DMBT1: variants seen among roughly 807,000 people sequenced by gnomAD.
DMBT1 encodes the protein scavenger receptor cysteine-rich domain-containing protein DMBT1.
A neutral mutation model predicts 252.9 loss-of-function variants in DMBT1; 198 were observed. That is an observed-to-expected ratio of 0.78 (90% CI 0.70 to 0.88). The LOEUF is 0.88. Ranked by LOEUF, DMBT1 falls within the 40% of genes least tolerant of loss-of-function variation. DMBT1 has a pLI of 0.00. For missense variants in DMBT1, 2,432 were observed against 2,404.7 expected, an observed-to-expected ratio of 1.01 and a Z score of -0.24; for synonymous variants, 990 against 942.7, an observed-to-expected ratio of 1.05 and a Z score of -0.92.
intron 52 of DMBT1, among the ~76,000 whole-genome samples, chr10:122,635,420 C>G (rs2098218642): frequency 6.6e-6 from 1 of 152,124 alleles, no homozygotes; most frequent in African/African-American, 2.4e-5. Context: ...AAAGGGCTGA[C>G]AGGTGAGGGG....
In DMBT1 at chr10:122,629,913, C is replaced by T; in HGVS notation, c.5742C>T (p.Tyr1914=). Residue 1914 remains tyrosine, a synonymous_variant, in exon 47 of 56, where the codon TAC becomes TAT. Transcript: ENST00000338354. ...TCTCCAGCCCATCCTACCCTGCATACTACCCCAACAATGCTAAGTGTGTTT... is the reference window on the plus strand; with the variant it reads ...TCTCCAGCCCATCCTACCCTGCATATTACCCCAACAATGCTAAGTGTGTTT... ...GTFSSPSYPA[Y]YPNNAKCVWE... 1 of 1,614,012 alleles carries T rather than the reference C, an allele frequency of 6.2e-7. No individual in the cohort carries two copies. Among genetic ancestry groups the T allele is most frequent in the Non-Finnish European group, 8.5e-7 (1 of 1,179,872 alleles).
At chr10:122,591,018 C>T (rs557505094) in intron 18 of DMBT1, among the ~76,000 whole-genome samples, 5 of 148,688 alleles carry the variant, frequency 3.4e-5, no homozygotes, top group East Asian at 2.1e-4. Context: ...CCCCCAGATG[C>T]GGCAGGGCCC....
Position 122,643,163 on chromosome 10 carries a change from C to A in DMBT1, c.7394C>A (p.Ser2465Tyr). 1.2e-6 allele frequency: 2 copies of A among 1,614,012 alleles called. No homozygotes were observed. The highest frequency in any genetic ancestry group is 2.2e-5 in the East Asian group (1 of 44,880). Reference protein sequence around the residue: ...DDTYGPYSSPSLRIARFRFRA... With the variant: ...DDTYGPYSSPYLRIARFRFRA... ...ACCTACGGACCCTACTCCTCGCCAT[C>A]TCTTCGCATTGCCCGCTTCCGGTTC... The change falls in exon 56 of 56, where the codon TCT (serine) becomes TAT (tyrosine). Residue 2465 changes from serine (S) to tyrosine (Y), a missense_variant. Around this residue, in one of 3 missense-constraint regions of DMBT1, gnomAD observed 1,162 missense variants for 1,169.0 expected, o/e 0.99. Coordinates refer to ENST00000338354, the MANE Select transcript of DMBT1 (RefSeq NM_001377530.1).
chr10:122,568,778 G>C (rs555609006), intron 2 of DMBT1, among the ~76,000 whole-genome samples: 1 of 152,220 alleles, frequency 6.6e-6, no homozygotes, highest in Non-Finnish European at 1.5e-5. Flanking sequence ...TTTGGTCAGG[G>C]CTTGGGTAAC....
At chr10:122,642,445 T>C (rs1202132153) in intron 55 of DMBT1, among the ~76,000 whole-genome samples, 1 of 152,224 alleles carries the variant, frequency 6.6e-6, no homozygotes, top group African/African-American at 2.4e-5. Context: ...GAGCTGCTTC[T>C]TCCATCTTAG....
Position 122,589,345 on chromosome 10 carries a change from T to C in DMBT1, c.2107+78T>C, listed in dbSNP as rs1466977664. On this transcript the variant is annotated intron_variant, in intron 17 of 55. Coordinates refer to ENST00000338354, the MANE Select transcript of DMBT1 (RefSeq NM_001377530.1). Reference sequence around the variant, plus strand: ...AGAGAGGTCTTATGTTCTAATCTCCTCACTCAGAGCTTTTTCAACCTTTCC... The same window carrying C: ...AGAGAGGTCTTATGTTCTAATCTCCCCACTCAGAGCTTTTTCAACCTTTCC... 1.7e-5 allele frequency: 27 copies of C among 1,561,450 alleles called. 3 individuals are homozygous for C. Among genetic ancestry groups the C allele is most frequent in the Non-Finnish European group, 2.3e-5 (26 of 1,149,838 alleles).
intron 17 of DMBT1, 78 bp from the exon 18 acceptor site, chr10:122,590,587 G>C: frequency 6.6e-7 from 1 of 1,517,828 alleles, no homozygotes; most frequent in Non-Finnish European, 9.1e-7. Context: ...GGCGCTACCA[G>C]TTTAGTTCCT....
intron 55 of DMBT1, among the ~76,000 whole-genome samples, chr10:122,641,768 C>T (rs370059821): frequency 5.3e-5 from 8 of 152,082 alleles, no homozygotes; most frequent in East Asian, 1.9e-4. Flanking sequence ...GCTGGGAAGA[C>T]GGGGATGTGT....
At chr10:122,571,971 T>C (rs2097667991) in intron 4 of DMBT1, among the ~76,000 whole-genome samples, 1 of 152,244 alleles carries the variant, frequency 6.6e-6, no homozygotes, top group Non-Finnish European at 1.5e-5. Flanking sequence ...ATTTGTCATT[T>C]GAGGGTGTGT....
chr10:122,637,439 A>G (rs2098236031), intron 54 of DMBT1, 127 bp downstream of exon 54: 2 of 1,118,062 alleles, frequency 1.8e-6, no homozygotes, highest in Non-Finnish European at 2.5e-6. Context: ...TAATTGGAAT[A>G]AAGGAAGATA....
chr10:122,585,916 T>C, intron 15 of DMBT1, 144 bp from the exon 16 acceptor site: 2 of 1,474,706 alleles, frequency 1.4e-6, no homozygotes, highest in Non-Finnish European at 1.8e-6. Context: ...TTGATGAAGC[T>C]GAATCTCTGG....
chr10:122,586,023 A>G lies in DMBT1; in HGVS notation c.1460-37A>G, dbSNP rs371045270. On this transcript the variant is annotated intron_variant, in intron 15 of 55. Transcript: ENST00000338354. ...CATTCCTTAGATTCTTGACCTCATG[A>G]TAGGGATGGATGAAGGGTTCTTGTT... is the stretch of plus-strand genomic sequence containing the variant. 207 of 1,587,136 alleles carry G rather than the reference A, an allele frequency of 1.3e-4. 13 individuals are homozygous for G. In the African/African-American group the frequency reaches 2.1e-3, roughly 16 times the overall value.
chr10:122,626,257 T>G (rs2098118160), intron 46 of DMBT1, among the ~76,000 whole-genome samples: 2 of 152,378 alleles, frequency 1.3e-5, no homozygotes, highest in East Asian at 3.9e-4. Flanking sequence ...CCATGTCATT[T>G]TTATTTCACC....
intron 3 of DMBT1, 103 bp downstream of exon 3, chr10:122,570,312 C>T: frequency 9.8e-7 from 1 of 1,015,298 alleles, no homozygotes; most frequent in Non-Finnish European, 1.5e-6. Flanking sequence ...TCTAGCAACT[C>T]TGGCATTCAG....
At chr10:122,575,415 C>A (rs898850262) in intron 6 of DMBT1, among the ~76,000 whole-genome samples, 2 of 152,198 alleles carry the variant, frequency 1.3e-5, no homozygotes, top group Non-Finnish European at 2.9e-5. Context: ...ATTTACACAG[C>A]AAGACAATAT....
chr10:122,580,948 C>T, intron 11 of DMBT1, 53 bp downstream of exon 11: 1 of 1,599,676 alleles, frequency 6.3e-7, no homozygotes, highest in Non-Finnish European at 8.6e-7. Flanking sequence ...TGCCCAATCA[C>T]CCCTTCCACA....
Position 122,618,014 on chromosome 10 carries a change from T to C in DMBT1, c.4892-3T>C. ...GATGAAGGGTTCTTGTGTTCCCCTG[T>C]AGGATCTGAATCCACTTTGGCCCTG... On this transcript the variant is annotated splice_region_variant and splice_polypyrimidine_tract_variant and intron_variant, in intron 40 of 55. Coordinates refer to ENST00000338354, the MANE Select transcript of DMBT1 (RefSeq NM_001377530.1). 1 of 1,612,552 alleles carries C rather than the reference T, an allele frequency of 6.2e-7. No individual in the cohort carries two copies. Among genetic ancestry groups the C allele is most frequent in the Non-Finnish European group, 8.5e-7 (1 of 1,179,742 alleles).
In DMBT1 at chr10:122,570,225, G is replaced by A; in HGVS notation, c.139+16G>A. On this transcript the variant is annotated intron_variant, in intron 3 of 55. Transcript: ENST00000338354. ...GTAGCAGAAGGTAAGGTCTATTATG[G>A]GGGAACCCTGTGGGCTCATTACCCC... The A allele has an allele frequency of 1.3e-6, 2 of 1,563,100 alleles. No individual in the cohort carries two copies. The highest frequency in any genetic ancestry group is 1.8e-6 in the Non-Finnish European group (2 of 1,133,890).
At chr10:122,576,370 T>G in intron 6 of DMBT1, 29 bp from the exon 7 acceptor site, 3 of 1,609,696 alleles carry the variant, frequency 1.9e-6, no homozygotes, top group Non-Finnish European at 2.5e-6. Flanking sequence ...AGTAGGAATG[T>G]GCAAGAGAAA....
Sources: allele counts gnomAD v4.1 joint callset (sites outside exome capture counted in the v4.1 genomes callset), GRCh38; gene constraint gnomAD v4.1.1; regional missense constraint gnomAD v4.1.1; transcripts MANE v1.5; gene names NCBI Gene and HGNC (gene_info 2026-07-23, HGNC 2026-07-21).